The following FER variants were observed in gnomAD, a reference collection of about 807,000 sequenced individuals.
FER encodes tyrosine-protein kinase Fer.
FER carries 63 observed loss-of-function variants against 111.0 expected under a neutral mutation model. That is an observed-to-expected ratio of 0.57 (90% CI 0.46 to 0.70). FER has a LOEUF of 0.70. Among genes scored for constraint, FER ranks in the 30% least tolerant of loss-of-function variants. The pLI, the probability that FER is intolerant of heterozygous loss-of-function variation, is 0.00. For missense variants in FER, 914 were observed against 954.0 expected (o/e 0.96, Z 0.55); for synonymous variants, 327 against 313.9 (o/e 1.04, Z -0.44).
chr5:108,986,306 T>C (rs1762569965), intron 13 of FER, among the ~76,000 whole-genome samples: 2 of 149,974 alleles, frequency 1.3e-5, no homozygotes, highest in Admixed American at 6.6e-5. Context: ...TTTTTTTTTT[T>C]CCTGATTTGT....
intron 10 of FER, among the ~76,000 whole-genome samples, chr5:108,917,571 TCAGAGA>T (rs1418379838): frequency 3.3e-5 from 5 of 152,230 alleles, no homozygotes; most frequent in Non-Finnish European, 7.3e-5. Flanking sequence ...TTTCCCAAAG[TCAGAGA>T]CAGCTTTGAT....
At position 108,789,004 on chromosome 5, in the gene FER, A is replaced by G. The variant is rs572412261; in HGVS notation, c.-59-9120A>G. 2.1e-3 allele frequency among the ~76,000 whole-genome samples: 316 copies of G among 152,242 alleles called. 3 individuals are homozygous for G. Among genetic ancestry groups the G allele is most frequent in the African/African-American group, 7.1e-3 (293 of 41,524 alleles). ...TCATTTCTCAAGCTATGTTGGTATA[A>G]TGGCTTCTTATGTCTTATTAGCTCC... On this transcript the variant is annotated intron_variant, in intron 2 of 19. Transcript: ENST00000281092.
chr5:109,118,196 T>C (rs538221007), intron 17 of FER, among the ~76,000 whole-genome samples: 113 of 152,306 alleles, frequency 7.4e-4, no homozygotes, highest in African/African-American at 2.5e-3. Flanking sequence ...ACCTAATTCA[T>C]TGAGAGTTTT....
At chr5:109,099,617 A>G (rs559124831) in intron 16 of FER, among the ~76,000 whole-genome samples, 32 of 151,692 alleles carry the variant, frequency 2.1e-4, no homozygotes, top group African/African-American at 7.5e-4. Flanking sequence ...ATATGTTGAT[A>G]TGTTTTGGAT....
intron 15 of FER, among the ~76,000 whole-genome samples, chr5:109,045,299 T>TTA (rs1216775995): frequency 9.2e-6 from 1 of 109,058 alleles, no homozygotes; most frequent in Non-Finnish European, 2.0e-5. Context: ...ATTATATACA[T>TTA]TATATATATA....
chr5:108,772,972 C>T (rs1003104123), intron 2 of FER, among the ~76,000 whole-genome samples: 200 of 152,296 alleles, frequency 1.3e-3, no homozygotes, highest in African/African-American at 4.3e-3. Flanking sequence ...GAGCTAAGCA[C>T]AATCAGAAAA....
intron 12 of FER, among the ~76,000 whole-genome samples, chr5:108,958,731 A>G (rs1033861984): frequency 2.6e-5 from 4 of 151,908 alleles, no homozygotes; most frequent in Non-Finnish European, 5.9e-5. Flanking sequence ...CTGTATCAGC[A>G]GATAGAAAAT....
chr5:109,111,144 G>A (rs1242227638), intron 17 of FER, among the ~76,000 whole-genome samples: 1 of 152,080 alleles, frequency 6.6e-6, no homozygotes, highest in East Asian at 1.9e-4. Flanking sequence ...CATTGATTTT[G>A]AGAGATAAGT....
chr5:109,187,312 T>A, intron 19 of FER, 121 bp from the exon 20 acceptor site: 1 of 1,014,370 alleles, frequency 9.9e-7, no homozygotes, highest in Non-Finnish European at 1.4e-6. Context: ...GAAATGGATG[T>A]TTTGTTTCCA....
intron 10 of FER, among the ~76,000 whole-genome samples, chr5:108,942,885 G>A (rs901367239): frequency 2.0e-5 from 3 of 152,142 alleles, no homozygotes; most frequent in African/African-American, 7.2e-5. Context: ...CACTCAGCCT[G>A]GAGTTTGAGC....
chr5:108,775,020 T>C (rs754094499), intron 2 of FER, among the ~76,000 whole-genome samples: 4 of 152,186 alleles, frequency 2.6e-5, no homozygotes, highest in Admixed American at 6.5e-5. Context: ...ATTTTTATGG[T>C]TTTGGGTTTT....
At chr5:109,085,334 T>C (rs962707625) in intron 16 of FER, among the ~76,000 whole-genome samples, 6 of 151,810 alleles carry the variant, frequency 4.0e-5, no homozygotes, top group African/African-American at 1.4e-4. Context: ...TTATAAAGGA[T>C]GTTTTTCTAA....
chr5:108,871,623 T>C, intron 7 of FER, 121 bp downstream of exon 7: 1 of 653,622 alleles, frequency 1.5e-6, no homozygotes. Context: ...GAATATTTCA[T>C]ATTAATTTAT....
chr5:109,180,406 G>A (rs1168303285), intron 17 of FER, among the ~76,000 whole-genome samples: 2 of 152,142 alleles, frequency 1.3e-5, no homozygotes, highest in African/African-American at 4.8e-5. Context: ...CTACTTTATT[G>A]GACAATGCTG....
intron 16 of FER, among the ~76,000 whole-genome samples, chr5:109,078,313 T>C (rs1244527088): frequency 2.0e-5 from 3 of 152,190 alleles, no homozygotes; most frequent in African/African-American, 7.2e-5. Context: ...TCAGGTAGTT[T>C]ATTAGTTTAT....
rs186125747 is a variant in FER at position 109,089,158 on chromosome 5, G to A, written c.1925-11238G>A. Among the ~76,000 whole-genome samples, 18 of 152,280 alleles carry A rather than the reference G, an allele frequency of 1.2e-4. No homozygotes were observed. The East Asian group carries it at 2.9e-3, about 24-fold the overall frequency. ...TGGGTGGCAGATCTATGATCTCACT[G>A]TATGTATGTATTTGTCTATAAATGT... On this transcript the variant is annotated intron_variant, in intron 16 of 19. Transcript: ENST00000281092.
chr5:108,803,114 CAT>C (rs1756853551), intron 3 of FER, among the ~76,000 whole-genome samples: 1 of 152,124 alleles, frequency 6.6e-6, no homozygotes. Flanking sequence ...AGCATTTTAT[CAT>C]GTGTTTGTTG....
At chr5:109,143,953 C>G (rs1195137254) in intron 17 of FER, among the ~76,000 whole-genome samples, 3 of 151,724 alleles carry the variant, frequency 2.0e-5, no homozygotes, top group African/African-American at 7.3e-5. Flanking sequence ...TAGAGGCAGA[C>G]TAGGAGGCAT....
intron 3 of FER, chr5:108,820,283 A>G: frequency 1.0e-6 from 1 of 985,440 alleles, no homozygotes; most frequent in Non-Finnish European, 1.2e-6. Flanking sequence ...AAATAGGAAA[A>G]GATCACAGGA....
Sources: gnomAD v4.1 joint callset for allele counts (sites outside exome capture counted in the v4.1 genomes callset) on GRCh38, gnomAD v4.1.1 for gene constraint, MANE v1.5 for transcripts, NCBI Gene and HGNC (gene_info 2026-07-23, HGNC 2026-07-21) for gene names.